Variants in CAMK1D observed in about 807,000 individuals in gnomAD.
CAMK1D encodes the protein calcium/calmodulin-dependent protein kinase type 1D.
A neutral mutation model predicts 47.7 loss-of-function variants in CAMK1D; 9 were observed. The ratio of observed to expected loss-of-function variants is 0.19; its 90% CI spans 0.11 to 0.33. CAMK1D has a LOEUF of 0.33. CAMK1D is among the 10% of genes least tolerant of loss of function. The pLI is 1.00. For missense variants in CAMK1D, 291 were observed against 488.7 expected (o/e 0.60, Z 3.81); for synonymous variants, 184 against 184.9 (o/e 0.99, Z 0.04).
intron 2 of CAMK1D, among the ~76,000 whole-genome samples, chr10:12,616,742 C>T (rs767279564): frequency 3.3e-4 from 51 of 152,296 alleles, no homozygotes; most frequent in Middle Eastern, 3.4e-3. Context: ...TGGTCTCGAT[C>T]TCCTGACCTC....
At chr10:12,578,354 T>G (rs1242655397) in intron 2 of CAMK1D, among the ~76,000 whole-genome samples, 1 of 152,110 alleles carries the variant, frequency 6.6e-6, no homozygotes, top group Non-Finnish European at 1.5e-5. Context: ...ATGGATCACC[T>G]GAGGTCAGGA....
chr10:12,708,598 C>T (rs1833818023), intron 3 of CAMK1D, among the ~76,000 whole-genome samples: 1 of 152,212 alleles, frequency 6.6e-6, no homozygotes, highest in Admixed American at 6.5e-5. Flanking sequence ...AGAGTTGACG[C>T]TTTGCCTGTA....
intron 3 of CAMK1D, among the ~76,000 whole-genome samples, chr10:12,718,247 G>T (rs1310329267): frequency 6.6e-6 from 1 of 152,084 alleles, no homozygotes. Flanking sequence ...CTTGAAATAG[G>T]GTTCGAAAGA....
intron 2 of CAMK1D, among the ~76,000 whole-genome samples, chr10:12,621,030 A>C (rs1564449965): frequency 6.6e-6 from 1 of 152,220 alleles, no homozygotes; most frequent in Non-Finnish European, 1.5e-5. Flanking sequence ...TTCCAGCACC[A>C]TGTGTGTATA....
At chr10:12,437,166 ATCTG>A (rs1388837053) in intron 1 of CAMK1D, among the ~76,000 whole-genome samples, 1 of 150,896 alleles carries the variant, frequency 6.6e-6, no homozygotes, top group South Asian at 2.1e-4. Context: ...TCTATCATCT[ATCTG>A]TCCATCTGTC....
intron 4 of CAMK1D, among the ~76,000 whole-genome samples, chr10:12,764,651 C>T (rs1836666624): frequency 1.3e-5 from 2 of 152,188 alleles, no homozygotes; most frequent in South Asian, 4.1e-4. Flanking sequence ...TCTCTGCACC[C>T]ATGATTGGAT....
intron 1 of CAMK1D, among the ~76,000 whole-genome samples, chr10:12,382,381 G>A (rs1838370350): frequency 6.6e-6 from 1 of 151,776 alleles, no homozygotes; most frequent in African/African-American, 2.4e-5. Flanking sequence ...TAGATGATAA[G>A]GTACTTGTGG....
rs369735362 is a variant in CAMK1D, at chr10:12,758,494, A to G, written c.300-2454A>G. The stretch of plus-strand genomic sequence containing the variant: ...GTTCAGAAAAATAGAGCCCTGGTGC[A>G]GTTTGAAATGTAAGAAGCAGAATAT... On this transcript the variant is annotated intron_variant, in intron 3 of 10. Coordinates refer to ENST00000619168, the MANE Select transcript of CAMK1D (RefSeq NM_153498.4). Among the ~76,000 whole-genome samples the G allele has an allele frequency of 1.1e-4, 17 of 152,304 alleles. No individual in the cohort carries two copies. In the East Asian group the frequency reaches 2.7e-3, roughly 24 times the overall value.
intron 2 of CAMK1D, among the ~76,000 whole-genome samples, chr10:12,574,887 C>T (rs546886021): frequency 5.3e-5 from 8 of 152,090 alleles, no homozygotes; most frequent in South Asian, 2.1e-4. Flanking sequence ...AGATGCTGCA[C>T]GCTTCTAACA....
At chr10:12,674,347 A>G (rs938064987) in intron 3 of CAMK1D, among the ~76,000 whole-genome samples, 1 of 152,192 alleles carries the variant, frequency 6.6e-6, no homozygotes, top group Non-Finnish European at 1.5e-5. Flanking sequence ...TATGAGGAGG[A>G]TCTAAAACAC....
At chr10:12,563,664 T>TGAGAGAGAGAGAGAGAGAGAGAGAGA (rs373932374) in intron 2 of CAMK1D, among the ~76,000 whole-genome samples, 34 of 130,122 alleles carry the variant, frequency 2.6e-4, no homozygotes, top group East Asian at 2.1e-3. Flanking sequence ...GCGGAAGGTT[T>TGAGAGAGAGAGAGAGAGAGAGAGAGA]GAGAGAGAGA....
chr10:12,717,885 C>A lies in CAMK1D; in HGVS notation c.300-43063C>A, dbSNP rs186229475. On this transcript the variant is annotated intron_variant, in intron 3 of 10. Transcript: ENST00000619168. The stretch of plus-strand genomic sequence containing the variant: ...CTCCAGCCTGGGCAACAGAGTGAGA[C>A]CCTGTCAAAAAAAAAAAAAAAAGAA... Among the ~76,000 whole-genome samples the A allele has an allele frequency of 7.0e-5, 10 of 142,008 alleles. No homozygotes were observed. The East Asian group carries it at 1.8e-3, about 26-fold the overall frequency. The allele number at this position is 142,008 out of a possible 152,430, so 93.2% of individuals were successfully genotyped here.
chr10:12,749,348 T>C (rs1163577132), intron 3 of CAMK1D, among the ~76,000 whole-genome samples: 1 of 151,514 alleles, frequency 6.6e-6, no homozygotes, highest in Non-Finnish European at 1.5e-5. Flanking sequence ...TTGTTAAAAA[T>C]GTTGTCTTGT....
chr10:12,387,291 C>G (rs1838525251), intron 1 of CAMK1D, among the ~76,000 whole-genome samples: 1 of 144,584 alleles, frequency 6.9e-6, no homozygotes, highest in Non-Finnish European at 1.5e-5. Flanking sequence ...CTTTGACACT[C>G]ACATTATATG....
At chr10:12,633,013 C>T (rs772377848) in intron 2 of CAMK1D, among the ~76,000 whole-genome samples, 45 of 152,172 alleles carry the variant, frequency 3.0e-4, no homozygotes, top group Non-Finnish European at 5.3e-4. Flanking sequence ...TCTTATGCTG[C>T]CTCATGCTCA....
chr10:12,515,338 T>G (rs1835163615), intron 1 of CAMK1D, among the ~76,000 whole-genome samples: 2 of 151,486 alleles, frequency 1.3e-5, no homozygotes, highest in Non-Finnish European at 2.9e-5. Context: ...AGTCCAACTA[T>G]CTGTCCAGCC....
intron 1 of CAMK1D, among the ~76,000 whole-genome samples, chr10:12,494,831 G>A (rs2132127359): frequency 6.6e-6 from 1 of 152,182 alleles, no homozygotes. Context: ...GGCCTGCCAA[G>A]GTGCTTGGAT....
At chr10:12,371,262 A>G (rs115730857) in intron 1 of CAMK1D, among the ~76,000 whole-genome samples, 2,463 of 152,146 alleles carry the variant, frequency 0.016, 58 homozygotes, top group African/African-American at 0.049. Context: ...CTAGTGCCCT[A>G]TACAGGTTCA....
intron 5 of CAMK1D, 133 bp downstream of exon 5, chr10:12,769,932 C>A (rs1425241571): frequency 6.4e-6 from 6 of 934,122 alleles, no homozygotes; most frequent in Non-Finnish European, 9.7e-6. Flanking sequence ...CTTCACTTCC[C>A]CTGGGGGAAA....
Sources: allele counts gnomAD v4.1 joint callset (sites outside exome capture counted in the v4.1 genomes callset), GRCh38; gene constraint gnomAD v4.1.1; transcripts MANE v1.5; gene names NCBI Gene and HGNC (gene_info 2026-07-23, HGNC 2026-07-21).